Variants in L3MBTL4 observed in about 807,000 individuals in gnomAD.
The protein encoded by L3MBTL4 is L3MBTL histone methyl-lysine binding protein 4, also known as lethal(3)malignant brain tumor-like protein 4.
A neutral mutation model predicts 84.5 loss-of-function variants in L3MBTL4; 70 were observed. The observed-to-expected ratio is 0.83, with a 90% CI of 0.68 to 1.01. The LOEUF is 1.01. Among genes scored for constraint, L3MBTL4 ranks in the 50% least tolerant of loss-of-function variants. The pLI is 0.00. For synonymous variants in L3MBTL4, 274 were observed against 259.8 expected (o/e 1.05, Z -0.52); for missense variants, 715 against 754.8 (o/e 0.95, Z 0.62).
chr18:6,313,040 G>C (rs2050913020), intron 1 of L3MBTL4, among the ~76,000 whole-genome samples: 2 of 152,136 alleles, frequency 1.3e-5, no homozygotes, highest in South Asian at 4.2e-4. Flanking sequence ...CCTACCTCCT[G>C]CTCCAAGTAA....
chr18:6,092,701 T>G (rs2058500008), intron 15 of L3MBTL4, among the ~76,000 whole-genome samples: 1 of 152,222 alleles, frequency 6.6e-6, no homozygotes, highest in Admixed American at 6.5e-5. Flanking sequence ...GAATAGAGCT[T>G]TTTGGAGAAA....
At chr18:5,981,935 A>G (rs1407815687) in intron 16 of L3MBTL4, among the ~76,000 whole-genome samples, 2 of 150,762 alleles carry the variant, frequency 1.3e-5, no homozygotes, top group Non-Finnish European at 2.9e-5. Flanking sequence ...TCTTTTTCCT[A>G]TTTATCAACA....
At chr18:5,957,477 C>T (rs1159358629) in intron 18 of L3MBTL4, among the ~76,000 whole-genome samples, 1 of 151,786 alleles carries the variant, frequency 6.6e-6, no homozygotes, top group East Asian at 1.9e-4. Flanking sequence ...GCTGCTTTCC[C>T]CAGCTTCTGG....
rs78921369 is a variant in L3MBTL4 at position 6,293,085 on chromosome 18, A to G, written c.127+8818T>C. 4.5e-3 allele frequency among the ~76,000 whole-genome samples: 692 copies of G among 152,362 alleles called. 8 individuals are homozygous for G. The highest frequency in any genetic ancestry group is 0.016 in the African/African-American group (645 of 41,594). The stretch of plus-strand genomic sequence containing the variant: ...CCCAACTATAGTGTATACCCCAACT[A>G]TAATTCTTTCTTCCCAAATAAAACA... On this transcript the variant is annotated intron_variant, in intron 4 of 18. Coordinates refer to ENST00000317931, the MANE Select transcript of L3MBTL4 (RefSeq NM_001330559.2).
chr18:5,972,572 T>C (rs1047846881), intron 16 of L3MBTL4, among the ~76,000 whole-genome samples: 1 of 152,202 alleles, frequency 6.6e-6, no homozygotes, highest in East Asian at 1.9e-4. Flanking sequence ...TGATTCTAAA[T>C]TAACACAACG....
intron 5 of L3MBTL4, among the ~76,000 whole-genome samples, chr18:6,262,030 C>T (rs1420549990): frequency 1.3e-5 from 2 of 152,194 alleles, no homozygotes; most frequent in Non-Finnish European, 2.9e-5. Context: ...GGACACGGCA[C>T]AGGTGTGACT....
At chr18:6,283,548 C>T (rs548573350) in intron 4 of L3MBTL4, among the ~76,000 whole-genome samples, 2 of 151,252 alleles carry the variant, frequency 1.3e-5, no homozygotes, top group Admixed American at 6.6e-5. Flanking sequence ...CCTATAGGAA[C>T]CTCCTAAGCA....
chr18:6,343,683 T>C (rs1253230027), intron 1 of L3MBTL4, among the ~76,000 whole-genome samples: 1 of 145,124 alleles, frequency 6.9e-6, no homozygotes, highest in East Asian at 2.0e-4. Context: ...AAAAAAGAAG[T>C]TGTAAATCAT....
intron 1 of L3MBTL4, among the ~76,000 whole-genome samples, chr18:6,375,739 C>T (rs778663422): frequency 6.6e-6 from 1 of 151,874 alleles, no homozygotes; most frequent in African/African-American, 2.4e-5. Flanking sequence ...AGAGAAGAAC[C>T]CAAAAAGAAT....
chr18:6,286,765 T>C (rs1480788130), intron 4 of L3MBTL4, among the ~76,000 whole-genome samples: 1 of 152,092 alleles, frequency 6.6e-6, no homozygotes, highest in African/African-American at 2.4e-5. Context: ...TCCCTCCAGG[T>C]CACCTCTCTC....
intron 13 of L3MBTL4, 146 bp from the exon 14 acceptor site, chr18:6,138,442 T>A (rs1782173818): frequency 1.8e-6 from 1 of 560,590 alleles, no homozygotes; most frequent in Admixed American, 3.2e-5. Context: ...TACGATGTAT[T>A]ATTAATATTA....
At chr18:6,328,866 C>T (rs2051865289) in intron 1 of L3MBTL4, among the ~76,000 whole-genome samples, 1 of 152,132 alleles carries the variant, frequency 6.6e-6, no homozygotes, top group Non-Finnish European at 1.5e-5. Context: ...GAAGCCTCAC[C>T]CACACTGAAT....
At chr18:6,284,632 A>C (rs1433868803) in intron 4 of L3MBTL4, among the ~76,000 whole-genome samples, 1 of 152,090 alleles carries the variant, frequency 6.6e-6, no homozygotes, top group East Asian at 1.9e-4. Context: ...CTTCCACATC[A>C]GGCTCTCCTC....
At chr18:6,044,205 G>A (rs1266728823) in intron 16 of L3MBTL4, among the ~76,000 whole-genome samples, 1 of 152,182 alleles carries the variant, frequency 6.6e-6, no homozygotes, top group East Asian at 1.9e-4. Context: ...GAATATAAGT[G>A]CTCAGATGAC....
chr18:6,031,171 C>T, intron 16 of L3MBTL4: 13 of 985,398 alleles, frequency 1.3e-5, no homozygotes, highest in Non-Finnish European at 1.6e-5. Flanking sequence ...TGCTCCTCTC[C>T]CTCCTCCCCC....
chr18:6,253,642 T>C (rs1275660446), intron 5 of L3MBTL4, among the ~76,000 whole-genome samples: 1 of 152,234 alleles, frequency 6.6e-6, no homozygotes, highest in Non-Finnish European at 1.5e-5. Flanking sequence ...CTACCAACAC[T>C]TTCAAAGACT....
At chr18:6,140,563 C>G (rs538899938) in intron 13 of L3MBTL4, among the ~76,000 whole-genome samples, 1 of 152,100 alleles carries the variant, frequency 6.6e-6, no homozygotes, top group Non-Finnish European at 1.5e-5. Context: ...GCCTCCTCAC[C>G]GCCTGCCCAG....
At chr18:6,203,396 T>C (rs1568308896) in intron 12 of L3MBTL4, among the ~76,000 whole-genome samples, 3 of 152,194 alleles carry the variant, frequency 2.0e-5, no homozygotes, top group Non-Finnish European at 4.4e-5. Context: ...ACCTGAAGTT[T>C]ATTCCAAAAT....
chr18:6,196,119 C>G (rs906248095), intron 12 of L3MBTL4, among the ~76,000 whole-genome samples: 13 of 151,726 alleles, frequency 8.6e-5, no homozygotes, highest in African/African-American at 2.9e-4. Context: ...CCCCACAACT[C>G]CAAGAAACAG....
Sources: gnomAD v4.1 joint callset for allele counts (sites outside exome capture counted in the v4.1 genomes callset) on GRCh38, gnomAD v4.1.1 for gene constraint, MANE v1.5 for transcripts, NCBI Gene and HGNC (gene_info 2026-07-23, HGNC 2026-07-21) for gene names.